The following TGM5 variants were observed in gnomAD, a reference collection of about 807,000 sequenced individuals.
TGM5 encodes the protein transglutaminase 5, also known as protein-glutamine gamma-glutamyltransferase 5.
Under a neutral mutation model 77.2 loss-of-function variants are expected in TGM5, and 69 were observed. That is an observed-to-expected ratio of 0.89 (90% CI 0.74 to 1.09). TGM5 has a LOEUF of 1.09. TGM5 is among the 50% of genes least tolerant of loss of function. The pLI, the probability that TGM5 is intolerant of heterozygous loss-of-function variation, is 0.00. For missense variants in TGM5, 842 were observed against 896.5 expected (o/e 0.94, Z 0.78); for synonymous variants, 346 against 351.8 (o/e 0.98, Z 0.18).
At chr15:43,252,167 C>A (rs146526638) in intron 6 of TGM5, among the ~76,000 whole-genome samples, 4 of 152,332 alleles carry the variant, frequency 2.6e-5, no homozygotes, top group Non-Finnish European at 5.9e-5. Context: ...CAGTTCCCAG[C>A]CAAGCTCTTA....
intron 6 of TGM5, among the ~76,000 whole-genome samples, chr15:43,244,053 C>T (rs1450986219): frequency 1.3e-5 from 2 of 152,182 alleles, no homozygotes; most frequent in Non-Finnish European, 2.9e-5. Flanking sequence ...CACTGTAACT[C>T]CATTGGACAT....
chr15:43,263,254 A>G (rs895328671), intron 1 of TGM5, among the ~76,000 whole-genome samples: 1 of 152,260 alleles, frequency 6.6e-6, no homozygotes, highest in Non-Finnish European at 1.5e-5. Flanking sequence ...TTGGAAGGCA[A>G]TATCATTAAG....
chr15:43,253,512 A>C lies in TGM5; in HGVS notation c.678T>G (p.Cys226Trp). 1 of 1,612,162 alleles carries C rather than the reference A, an allele frequency of 6.2e-7. No individual in the cohort carries two copies. ...GGCACGCCAGGGACCTCACCATGGC[A>C]CACACCACTCTGCTGACGTAGACGG... ...GSPVYVSRVV[C>W]AMINSNDDNG... is the part of the protein sequence containing the mutation. The change falls in exon 5 of 13, where the codon TGT (cysteine) becomes TGG (tryptophan). Residue 226 changes from cysteine to tryptophan, a missense_variant. Cys to Trp is a radical substitution (Grantham distance 215). Around this residue, in one of 2 missense-constraint regions of TGM5, gnomAD observed 815 missense variants for 844.6 expected, o/e 0.96. Transcript: ENST00000220420.
intron 10 of TGM5, 32 bp from the exon 11 acceptor site, chr15:43,234,961 T>G (rs909957724): frequency 6.2e-7 from 1 of 1,611,866 alleles, no homozygotes; most frequent in Non-Finnish European, 8.5e-7. Flanking sequence ...GGGGTGAGAG[T>G]AGCTGAGAAA....
At chr15:43,260,320 G>GC (rs1566837015) in intron 2 of TGM5, 23 bp from the exon 3 acceptor site, 3 of 1,613,962 alleles carry the variant, frequency 1.9e-6, no homozygotes, top group Non-Finnish European at 2.5e-6. Context: ...TAGAGCTGAG[G>GC]CCCTCCATGG....
At position 43,260,197 on chromosome 15, in the gene TGM5, G is replaced by A; in HGVS notation, c.291C>T (p.Ala97=). 1 of 1,614,036 alleles carries A rather than the reference G, an allele frequency of 6.2e-7. No homozygotes were observed. The highest frequency in any genetic ancestry group is 8.5e-7 in the Non-Finnish European group (1 of 1,180,028). The change falls in exon 3 of 13, where the codon GCC becomes GCT. Residue 97 remains alanine (A), a synonymous_variant. Transcript: ENST00000220420. Reference sequence around the variant, plus strand: ...CGCACAAGCTCACCTCTGTGGAGGTGGCCCCATTGGTCTCCAGCCAGGCAA... The same window carrying A: ...CGCACAAGCTCACCTCTGTGGAGGTAGCCCCATTGGTCTCCAGCCAGGCAA... The part of the protein sequence containing the change: ...PWIAWLETNG[A]TSTEVSLCAP...
chr15:43,246,403 G>A (rs1036880040), intron 6 of TGM5, among the ~76,000 whole-genome samples: 1 of 152,136 alleles, frequency 6.6e-6, no homozygotes, highest in Non-Finnish European at 1.5e-5. Flanking sequence ...AGGCATCAAG[G>A]TCAACATCAA....
chr15:43,233,353 G>A lies in TGM5; in HGVS notation c.2010-9C>T. ...GTTTGAGGACTCCAAGGCTGCAACA[G>A]AGAATGGAGCATGTCAGAAAACCAA... On this transcript the variant is annotated splice_polypyrimidine_tract_variant and intron_variant, in intron 12 of 12. Transcript: ENST00000220420. 1 of 1,613,464 alleles carries A rather than the reference G, an allele frequency of 6.2e-7. No individual in the cohort carries two copies. The highest frequency in any genetic ancestry group is 8.5e-7 in the Non-Finnish European group (1 of 1,180,034).
At chr15:43,259,965 G>A in intron 3 of TGM5, 87 bp downstream of exon 3, 1 of 1,599,248 alleles carries the variant, frequency 6.3e-7, no homozygotes, top group Non-Finnish European at 8.5e-7. Flanking sequence ...GGTGGCCCGG[G>A]AGCGGGGTCT....
At chr15:43,237,022 C>T (rs114655004) in intron 9 of TGM5, among the ~76,000 whole-genome samples, 1,524 of 150,806 alleles carry the variant, frequency 0.01, 23 homozygotes, top group African/African-American at 0.032. Flanking sequence ...TCTGATTTAG[C>T]GCATCTGCGG....
intron 1 of TGM5, among the ~76,000 whole-genome samples, chr15:43,263,228 A>G (rs1003631000): frequency 6.6e-6 from 1 of 152,244 alleles, no homozygotes; most frequent in Non-Finnish European, 1.5e-5. Flanking sequence ...ATGAAAAGAC[A>G]TTCCAGGTTC....
intron 4 of TGM5, among the ~76,000 whole-genome samples, chr15:43,254,397 T>A (rs1358361710): frequency 1.3e-5 from 2 of 152,226 alleles, no homozygotes; most frequent in African/African-American, 4.8e-5. Flanking sequence ...TCTGTACCTC[T>A]TTGTAGAATG....
In TGM5 at chr15:43,260,570, A is replaced by T. The variant is rs1566837193; in HGVS notation, c.20T>A (p.Val7Glu). 2 of 1,613,918 alleles carry T rather than the reference A, an allele frequency of 1.2e-6. No individual in the cohort carries two copies. Among genetic ancestry groups the T allele is most frequent in the Non-Finnish European group, 1.7e-6 (2 of 1,179,932 alleles). Reference sequence around the variant, plus strand: ...GGAGCTCTGGAGGTCTGTGAGGGCCACTTCTAGCCCTGCAATGGGGCAGCC... The same window carrying T: ...GGAGCTCTGGAGGTCTGTGAGGGCCTCTTCTAGCCCTGCAATGGGGCAGCC... The part of the protein sequence containing the change: MAQGLE[V>E]ALTDLQSSRN... Residue 7 changes from valine (V) to glutamate (E), a missense_variant, in exon 2 of 13, where the codon GTG becomes GAG. Val to Glu is a moderately radical substitution (Grantham distance 121). This residue lies in a region of TGM5 where 815 missense variants were observed against 844.6 expected (regional missense o/e 0.96). Coordinates refer to ENST00000220420, the MANE Select transcript of TGM5 (RefSeq NM_201631.4).
At chr15:43,251,503 C>A (rs2142372063) in intron 6 of TGM5, among the ~76,000 whole-genome samples, 1 of 152,320 alleles carries the variant, frequency 6.6e-6, no homozygotes. Flanking sequence ...CCAATAAACA[C>A]CAAGCTATGG....
intron 1 of TGM5, among the ~76,000 whole-genome samples, chr15:43,265,351 A>T (rs11853991): frequency 6.6e-6 from 1 of 152,090 alleles, no homozygotes; most frequent in Non-Finnish European, 1.5e-5. Context: ...TTTACCTAAC[A>T]GTGGAAAAAG....
chr15:43,259,698 T>C (rs1305486502), intron 3 of TGM5, among the ~76,000 whole-genome samples: 3 of 152,200 alleles, frequency 2.0e-5, no homozygotes, highest in African/African-American at 7.2e-5. Flanking sequence ...TTTTGACCCT[T>C]TCCTTCATTC....
intron 6 of TGM5, among the ~76,000 whole-genome samples, chr15:43,242,064 C>T (rs2042640929): frequency 6.8e-6 from 1 of 147,310 alleles, no homozygotes; most frequent in African/African-American, 2.5e-5. Context: ...ACCAGCTGGG[C>T]ATAGTGCTAA....
At chr15:43,235,180 T>TC (rs1420560714) in intron 10 of TGM5, among the ~76,000 whole-genome samples, 1 of 151,934 alleles carries the variant, frequency 6.6e-6, no homozygotes, top group African/African-American at 2.4e-5. Flanking sequence ...TCAGGCTTTT[T>TC]CTGCAAAACC....
chr15:43,262,178 C>T (rs764831949), intron 1 of TGM5, among the ~76,000 whole-genome samples: 11 of 152,210 alleles, frequency 7.2e-5, no homozygotes, highest in Non-Finnish European at 1.5e-4. Context: ...AGTTGGCCCA[C>T]CCTTCTTTCC....
Sources: gnomAD v4.1 joint callset for allele counts (sites outside exome capture counted in the v4.1 genomes callset) on GRCh38, gnomAD v4.1.1 for gene constraint, gnomAD v4.1.1 regional missense constraint, MANE v1.5 for transcripts, NCBI Gene and HGNC (gene_info 2026-07-23, HGNC 2026-07-21) for gene names.